The following ADCY9 variants were observed in gnomAD, a reference collection of about 807,000 sequenced individuals.
ADCY9 encodes the protein adenylate cyclase 9, also known as adenylate cyclase type 9.
ADCY9 carries 50 observed loss-of-function variants against 101.5 expected under a neutral mutation model. The observed-to-expected ratio is 0.49, with a 90% CI of 0.39 to 0.62. The LOEUF (loss-of-function observed/expected upper bound fraction) is 0.62. Among genes scored for constraint, ADCY9 ranks in the 20% least tolerant of loss-of-function variants. The pLI is 0.00. For synonymous variants in ADCY9, 905 were observed against 769.3 expected (o/e 1.18, Z -2.92); for missense variants, 1,662 against 1,800.4 (o/e 0.92, Z 1.39).
chr16:4,093,037 A>G (rs2056983090), intron 2 of ADCY9, among the ~76,000 whole-genome samples: 1 of 140,960 alleles, frequency 7.1e-6, no homozygotes, highest in South Asian at 2.3e-4. Flanking sequence ...GTAAAAGCCA[A>G]ATAACAAGAG....
At chr16:3,999,064 C>G (rs189279352) in intron 3 of ADCY9, among the ~76,000 whole-genome samples, 1 of 152,100 alleles carries the variant, frequency 6.6e-6, no homozygotes, top group Non-Finnish European at 1.5e-5. Flanking sequence ...GTTTCCCAGC[C>G]GGCTAAACAG....
intron 10 of ADCY9, among the ~76,000 whole-genome samples, chr16:3,969,612 ATTTTT>A (rs58096084): frequency 1.4e-5 from 1 of 70,894 alleles, no homozygotes; most frequent in Admixed American, 1.6e-4. Context: ...ATATATATGT[ATTTTT>A]TTTTTTTTTT....
intron 2 of ADCY9, among the ~76,000 whole-genome samples, chr16:4,031,054 C>T (rs1294041215): frequency 6.6e-6 from 1 of 152,156 alleles, no homozygotes; most frequent in Non-Finnish European, 1.5e-5. Context: ...AGATCTAGAT[C>T]TTGAGTGTCC....
At chr16:4,099,790 G>A (rs922939509) in intron 2 of ADCY9, among the ~76,000 whole-genome samples, 5 of 152,206 alleles carry the variant, frequency 3.3e-5, no homozygotes, top group Admixed American at 6.5e-5. Flanking sequence ...CTTGGCTCAC[G>A]CCTGTAATCC....
chr16:3,969,613 T>TATATATATATATATATATATATATATA (rs1491520639), intron 10 of ADCY9, among the ~76,000 whole-genome samples: 1 of 81,038 alleles, frequency 1.2e-5, no homozygotes. Context: ...TATATATGTA[T>TATATATATATATATATATATATATATA]TTTTTTTTTT....
At chr16:3,976,054 C>T (rs1456932337) in intron 9 of ADCY9, among the ~76,000 whole-genome samples, 5 of 152,104 alleles carry the variant, frequency 3.3e-5, no homozygotes, top group Non-Finnish European at 5.9e-5. Context: ...TGCAGTGGCG[C>T]GATCTCGGTT....
Position 4,018,988 on chromosome 16 carries a change from T to TG in ADCY9, c.1694-11431_1694-11430insC, listed in dbSNP as rs1426465881. Among the ~76,000 whole-genome samples the TG allele has an allele frequency of 1.6e-3, 248 of 151,498 alleles. 3 individuals carry two copies. Among genetic ancestry groups the TG allele is most frequent in the Admixed American group, 3.1e-3 (47 of 15,224 alleles). ...GTGTGTGTTTTGTTTTGTTTTGTTT[T>TG]TTTAAGAGAAAAGGTCTTTCTCTGT... is the stretch of plus-strand genomic sequence containing the variant. On this transcript the variant is annotated intron_variant, in intron 2 of 10. Transcript: ENST00000294016.
At chr16:4,105,186 A>G (rs1361439139) in intron 2 of ADCY9, among the ~76,000 whole-genome samples, 3 of 152,200 alleles carry the variant, frequency 2.0e-5, no homozygotes, top group Non-Finnish European at 4.4e-5. Context: ...AAATATAGTT[A>G]CTTTTATAAA....
intron 2 of ADCY9, among the ~76,000 whole-genome samples, chr16:4,066,632 G>A (rs540318529): frequency 3.9e-5 from 6 of 152,050 alleles, no homozygotes; most frequent in South Asian, 2.1e-4. Context: ...TGATCCTCCC[G>A]CCTCAGCCTC....
At chr16:3,962,221 A>C (rs1276773338), downstream of ADCY9, among the ~76,000 whole-genome samples, 1 of 152,036 alleles carries the variant, frequency 6.6e-6, no homozygotes, top group African/African-American at 2.4e-5. Flanking sequence ...GGGCTTTGTG[A>C]CTTCCTCAAA....
At chr16:4,025,821 G>A (rs2056511116) in intron 2 of ADCY9, among the ~76,000 whole-genome samples, 1 of 152,308 alleles carries the variant, frequency 6.6e-6, no homozygotes, top group South Asian at 2.1e-4. Context: ...TGGTCTGGTG[G>A]CAGTGGGGAC....
intron 2 of ADCY9, among the ~76,000 whole-genome samples, chr16:4,095,976 C>CAAAAAAA (rs56897380): frequency 7.8e-5 from 9 of 115,422 alleles, no homozygotes; most frequent in African/African-American, 1.3e-4. Context: ...GACTCTATCT[C>CAAAAAAA]AAAAAAAAAA....
chr16:4,098,538 ATATTCATTCATT>A (rs1422536134), intron 2 of ADCY9, among the ~76,000 whole-genome samples: 2 of 152,116 alleles, frequency 1.3e-5, no homozygotes, highest in African/African-American at 4.8e-5. Context: ...CTGGCCTGTA[ATATTCATTCATT>A]TATTCATTCA....
intron 2 of ADCY9, among the ~76,000 whole-genome samples, chr16:4,028,057 A>T (rs1042044079): frequency 2.6e-4 from 40 of 152,104 alleles, no homozygotes; most frequent in African/African-American, 8.7e-4. Flanking sequence ...ACACAGCCAA[A>T]TCATATTAAA....
intron 2 of ADCY9, among the ~76,000 whole-genome samples, chr16:4,045,459 G>C (rs186422485): frequency 6.1e-4 from 92 of 151,852 alleles, no homozygotes; most frequent in African/African-American, 1.9e-3. Context: ...GCCAGGTGTG[G>C]TGGCGTGTAC....
chr16:4,070,088 A>T (rs1367951299), intron 2 of ADCY9, among the ~76,000 whole-genome samples: 4 of 149,396 alleles, frequency 2.7e-5, no homozygotes, highest in Non-Finnish European at 5.9e-5. Flanking sequence ...ACAGAGTGAG[A>T]CTCTGTCTCA....
At chr16:3,957,477 T>C (rs2055913915) in intron 5 of ADCY9, among the ~76,000 whole-genome samples, 1 of 149,782 alleles carries the variant, frequency 6.7e-6, no homozygotes, top group African/African-American at 2.5e-5. Context: ...AGTCCTAGAG[T>C]CAGGGAGGGG....
At chr16:3,988,824 T>C (rs1038172721) in intron 6 of ADCY9, among the ~76,000 whole-genome samples, 170 bp downstream of exon 6, 34 of 152,216 alleles carry the variant, frequency 2.2e-4, no homozygotes, top group African/African-American at 8.2e-4. Context: ...TTTCCTCCTT[T>C]GCAAAGAGAC....
chr16:4,077,012 C>G (rs1413265633), intron 2 of ADCY9, among the ~76,000 whole-genome samples: 1 of 149,972 alleles, frequency 6.7e-6, no homozygotes, highest in Non-Finnish European at 1.5e-5. Context: ...CAGAGGTGGA[C>G]GTTGCAGTGA....
Sources: gnomAD v4.1 joint callset for allele counts (sites outside exome capture counted in the v4.1 genomes callset) on GRCh38, gnomAD v4.1.1 for gene constraint, MANE v1.5 for transcripts, NCBI Gene and HGNC (gene_info 2026-07-23, HGNC 2026-07-21) for gene names.